Variants in ACSS3 observed in about 807,000 individuals in gnomAD.
ACSS3 encodes acyl-CoA synthetase short-chain family member 3, mitochondrial.
In ACSS3, 64 loss-of-function variants were observed where a neutral mutation model predicts 84.2. That is an observed-to-expected ratio of 0.76 (90% CI 0.62 to 0.94). The LOEUF (loss-of-function observed/expected upper bound fraction) is 0.94. Among genes scored for constraint, ACSS3 ranks in the 40% least tolerant of loss-of-function variants. ACSS3 has a pLI of 0.00. For synonymous variants in ACSS3, 317 were observed against 310.1 expected (o/e 1.02, Z -0.23); for missense variants, 815 against 867.6 (o/e 0.94, Z 0.76).
Position 81,135,010 on chromosome 12 carries a change from T to G in ACSS3, c.645+6T>G, listed in dbSNP as rs1885711670. 6.4e-7 allele frequency: 1 copy of G among 1,569,056 alleles called. No homozygotes were observed. The highest frequency in any genetic ancestry group is 8.7e-7 in the Non-Finnish European group (1 of 1,153,748). On this transcript the variant is annotated splice_donor_region_variant and intron_variant, in intron 3 of 15. Transcript: ENST00000548058. ...GTCGCATTGATCATGTAAAGGTAAG[T>G]GCTTTATTTTGGGAAATCAAGTAGT...
At chr12:81,171,084 A>T (rs2030004429) in intron 7 of ACSS3, among the ~76,000 whole-genome samples, 1 of 152,134 alleles carries the variant, frequency 6.6e-6, no homozygotes, top group African/African-American at 2.4e-5. Context: ...AGCATATATT[A>T]TGCAATTTCT....
At chr12:81,097,143 G>A (rs926304999) in intron 1 of ACSS3, among the ~76,000 whole-genome samples, 1 of 152,046 alleles carries the variant, frequency 6.6e-6, no homozygotes, top group African/African-American at 2.4e-5. Flanking sequence ...TTACCCTACT[G>A]AGCAGCAGAG....
chr12:81,238,808 G>A (rs1052016640), intron 13 of ACSS3, among the ~76,000 whole-genome samples: 1 of 150,910 alleles, frequency 6.6e-6, no homozygotes, highest in African/African-American at 2.4e-5. Context: ...TAAAGGAATA[G>A]CTTTTGGTTT....
chr12:81,157,292 T>G (rs1320778010), intron 7 of ACSS3, among the ~76,000 whole-genome samples: 1 of 152,216 alleles, frequency 6.6e-6, no homozygotes, highest in African/African-American at 2.4e-5. Context: ...AGTTGTTTAA[T>G]AAATTCAACA....
At chr12:81,123,588 T>C (rs957143974) in intron 2 of ACSS3, among the ~76,000 whole-genome samples, 2 of 151,780 alleles carry the variant, frequency 1.3e-5, no homozygotes, top group Non-Finnish European at 2.9e-5. Flanking sequence ...CAGTACCTGA[T>C]AGGCTTTCAG....
At position 81,189,003 on chromosome 12, in the gene ACSS3, C is replaced by G. The variant is rs773906670; in HGVS notation, c.1251-10338C>G. Among the ~76,000 whole-genome samples the G allele has an allele frequency of 1.6e-4, 24 of 152,138 alleles. 1 individual carries two copies. Among genetic ancestry groups the G allele is most frequent in the Non-Finnish European group, 2.5e-4 (17 of 67,970 alleles). On this transcript the variant is annotated intron_variant, in intron 8 of 15. Coordinates refer to ENST00000548058, the MANE Select transcript of ACSS3 (RefSeq NM_024560.4). ...TTTAGTCATCATGTTATTCCCAAATCATCTTGGAGTTATTCCCCCTATTTA... is the reference window on the plus strand; with the variant it reads ...TTTAGTCATCATGTTATTCCCAAATGATCTTGGAGTTATTCCCCCTATTTA...
chr12:81,243,815 C>T (rs958391271), intron 13 of ACSS3, among the ~76,000 whole-genome samples: 11 of 152,148 alleles, frequency 7.2e-5, no homozygotes, highest in Non-Finnish European at 1.5e-4. Context: ...AGCATATACA[C>T]ATGCGCATAT....
chr12:81,134,656 T>G, intron 2 of ACSS3, 160 bp from the exon 3 acceptor site: 2 of 498,874 alleles, frequency 4.0e-6, no homozygotes, highest in Non-Finnish European at 6.6e-6. Flanking sequence ...GTTATTACTC[T>G]CACCATCTAA....
intron 13 of ACSS3, among the ~76,000 whole-genome samples, chr12:81,250,802 T>C (rs2034127655): frequency 6.6e-6 from 1 of 152,170 alleles, no homozygotes; most frequent in South Asian, 2.1e-4. Flanking sequence ...TCTTCACTCA[T>C]TAAGGGAATA....
chr12:81,186,241 GAAATAATAAA>G (rs1325473496), intron 8 of ACSS3, among the ~76,000 whole-genome samples: 2 of 151,714 alleles, frequency 1.3e-5, no homozygotes, highest in Non-Finnish European at 3.0e-5. Context: ...TATAAGACCA[GAAATAATAAA>G]ACTTCTAGAA....
At chr12:81,114,101 A>C (rs1424030586) in intron 2 of ACSS3, among the ~76,000 whole-genome samples, 2 of 151,990 alleles carry the variant, frequency 1.3e-5, no homozygotes, top group Non-Finnish European at 2.9e-5. Flanking sequence ...ATGAATTTTT[A>C]TGTATTTATT....
chr12:81,226,990 C>CATAT (rs1491018997), intron 11 of ACSS3, among the ~76,000 whole-genome samples: 2 of 111,698 alleles, frequency 1.8e-5, no homozygotes, highest in African/African-American at 6.0e-5. Flanking sequence ...CACACACACA[C>CATAT]ATATATATAT....
intron 13 of ACSS3, among the ~76,000 whole-genome samples, chr12:81,252,320 T>C (rs1359336809): frequency 1.3e-5 from 2 of 152,140 alleles, no homozygotes; most frequent in Non-Finnish European, 2.9e-5. Context: ...CTGTCTCCAC[T>C]ACTAGACTGA....
chr12:81,103,667 T>G (rs1882718120), intron 1 of ACSS3, among the ~76,000 whole-genome samples: 1 of 151,280 alleles, frequency 6.6e-6, no homozygotes, highest in African/African-American at 2.4e-5. Flanking sequence ...ATCTTTATAT[T>G]GCCTCCTCCA....
chr12:81,158,198 G>C (rs896699866), intron 7 of ACSS3, among the ~76,000 whole-genome samples: 6 of 151,758 alleles, frequency 4.0e-5, no homozygotes, highest in African/African-American at 1.5e-4. Flanking sequence ...CTGGTTAAAG[G>C]GTATATCTCT....
chr12:81,134,506 A>C lies in ACSS3; in HGVS notation c.457-310A>C, dbSNP rs560084863. Among the ~76,000 whole-genome samples the C allele has an allele frequency of 2.6e-5, 4 of 152,146 alleles. No individual in the cohort carries two copies. The East Asian group carries it at 7.7e-4, about 29-fold the overall frequency. On this transcript the variant is annotated intron_variant, in intron 2 of 15. Coordinates refer to ENST00000548058, the MANE Select transcript of ACSS3 (RefSeq NM_024560.4). ...TTCTTTTATCAGTGTTACATTCCCAACTCTTACATACTATGTCTGGTGTAT... is the reference window on the plus strand; with the variant it reads ...TTCTTTTATCAGTGTTACATTCCCACCTCTTACATACTATGTCTGGTGTAT...
rs189520947 is a variant in ACSS3, at chr12:81,125,975, A to G, written c.457-8841A>G. ...ATTAATGATTCTAGTTTATGCAATA[A>G]TCATTACATTTTAAGAATGTGGAAA... On this transcript the variant is annotated intron_variant, in intron 2 of 15. Coordinates refer to ENST00000548058, the MANE Select transcript of ACSS3 (RefSeq NM_024560.4). The G allele has an allele frequency of 1.5e-3, 225 of 152,356 alleles. 2 individuals are homozygous for G. The highest frequency in any genetic ancestry group is 5.3e-3 in the African/African-American group (220 of 41,588). The allele number at this position is 152,356 out of a possible 1,614,324, so 9.4% of individuals were successfully genotyped here. A position where few individuals can be genotyped will look rare whatever the true frequency, so the allele number is the denominator to read the frequency against.
chr12:81,098,651 G>T (rs567088338), intron 1 of ACSS3, among the ~76,000 whole-genome samples: 2 of 152,016 alleles, frequency 1.3e-5, no homozygotes, highest in African/African-American at 4.8e-5. Flanking sequence ...TTTCCCTAAG[G>T]TTTATAGATG....
chr12:81,163,913 A>G (rs957288625), intron 7 of ACSS3, among the ~76,000 whole-genome samples: 2 of 152,238 alleles, frequency 1.3e-5, no homozygotes, highest in Non-Finnish European at 2.9e-5. Context: ...AAACTAAAAC[A>G]TTTATAAAGT....
Sources: allele counts gnomAD v4.1 joint callset (sites outside exome capture counted in the v4.1 genomes callset), GRCh38; gene constraint gnomAD v4.1.1; transcripts MANE v1.5; gene names NCBI Gene and HGNC (gene_info 2026-07-23, HGNC 2026-07-21).